The following C16orf96 variants were observed in gnomAD, a reference collection of about 807,000 sequenced individuals.
The protein encoded by C16orf96 is chromosome 16 open reading frame 96, also known as uncharacterized protein C16orf96.
Under a neutral mutation model 103.6 loss-of-function variants are expected in C16orf96, and 108 were observed. The observed-to-expected ratio is 1.04, with a 90% CI of 0.89 to 1.22. The LOEUF (loss-of-function observed/expected upper bound fraction) is 1.22, where lower values mean the gene tolerates loss of function less well. C16orf96 is among the 50% of genes most tolerant of loss of function. The pLI, the probability that C16orf96 is intolerant of heterozygous loss-of-function variation, is 0.00. For missense variants in C16orf96, 1,586 were observed against 1,464.2 expected, an observed-to-expected ratio of 1.08 and a Z score of -1.36; for synonymous variants, 566 against 593.5, an observed-to-expected ratio of 0.95 and a Z score of 0.67.
chr16:4,545,283 T>C, the C16orf96 span, among the ~76,000 whole-genome samples: 1 of 152,048 alleles, frequency 6.6e-6, no homozygotes. Context: ...GATAGCTCAC[T>C]GCAGCCTCAA....
rs1296479547 is a variant in C16orf96, at chr16:4,588,749, C to T, written c.2592+418C>T. ...TTCATACAGGGCCTCACTCTGGGCA[C>T]CTGCCCCATACATAGTCAATAAATG... On this transcript the variant is annotated intron_variant, in intron 9 of 15. Transcript: ENST00000444310. Among the ~76,000 whole-genome samples the T allele has an allele frequency of 1.9e-4, 26 of 140,062 alleles. No homozygotes were observed. In the Admixed American group the frequency reaches 1.9e-3, roughly 10 times the overall value. The allele number at this position is 140,062 out of a possible 152,430, so 91.9% of individuals were successfully genotyped here.
intron 1 of C16orf96, 55 bp from the exon 2 acceptor site, chr16:4,571,506 C>G (rs1441480796): frequency 6.8e-7 from 1 of 1,470,528 alleles, no homozygotes; most frequent in Non-Finnish European, 9.3e-7. Flanking sequence ...CTGCACTTCA[C>G]TTACCTTCTC....
the C16orf96 span, among the ~76,000 whole-genome samples, chr16:4,547,491 A>G: frequency 6.7e-6 from 1 of 148,732 alleles, no homozygotes; most frequent in Non-Finnish European, 1.5e-5. Context: ...AAACCCATAG[A>G]GACAGAAAGT....
chr16:4,576,598 G>A lies in C16orf96; in HGVS notation c.2118G>A (p.Gln706=). The A allele has an allele frequency of 1.9e-6, 3 of 1,551,572 alleles. No individual in the cohort carries two copies. The highest frequency in any genetic ancestry group is 2.6e-6 in the Non-Finnish European group (3 of 1,146,986). ...KHDSLKEEFA[Q]LSCNLNQRLS... Reference sequence around the variant, plus strand: ...ACTCTCTGAAGGAAGAATTTGCCCAGCTGTCCTGTAACCTGAACCAGCGCT... The same window carrying A: ...ACTCTCTGAAGGAAGAATTTGCCCAACTGTCCTGTAACCTGAACCAGCGCT... Residue 706 remains glutamine, a synonymous_variant, in exon 5 of 16, where the codon CAG becomes CAA. Coordinates refer to ENST00000444310, the MANE Select transcript of C16orf96 (RefSeq NM_001145011.2).
At chr16:4,556,950 C>T (rs1000197255) in intron 1 of C16orf96, 41 bp downstream of exon 1, 17 of 1,496,556 alleles carry the variant, frequency 1.1e-5, no homozygotes, top group Non-Finnish European at 1.4e-5. Context: ...CCTCCCTTCA[C>T]CACTGGCTCT....
intron 15 of C16orf96, 57 bp downstream of exon 15, chr16:4,599,421 C>T (rs1187654619): frequency 1.4e-6 from 2 of 1,433,124 alleles, no homozygotes; most frequent in African/African-American, 1.4e-5. Flanking sequence ...GTCTCCAGTC[C>T]CTCCTCGTCT....
chr16:4,577,766 G>A (rs2059530760), intron 5 of C16orf96, among the ~76,000 whole-genome samples: 2 of 152,204 alleles, frequency 1.3e-5, no homozygotes, highest in African/African-American at 4.8e-5. Flanking sequence ...GACCAGCCTG[G>A]CCAACATAGC....
At chr16:4,594,912 G>A in intron 14 of C16orf96, 109 bp downstream of exon 14, 1 of 1,187,092 alleles carries the variant, frequency 8.4e-7, no homozygotes, top group South Asian at 1.4e-5. Flanking sequence ...CCTGACCGGG[G>A]AGTCCTCACA....
chr16:4,589,532 C>A (rs1171628525), intron 9 of C16orf96, among the ~76,000 whole-genome samples: 1 of 151,118 alleles, frequency 6.6e-6, no homozygotes, highest in Non-Finnish European at 1.5e-5. Context: ...GAACCAAAAT[C>A]GTGCCACTGC....
Position 4,572,265 on chromosome 16 carries a change from A to C in C16orf96, c.525+600A>C, listed in dbSNP as rs913649858. On this transcript the variant is annotated intron_variant, in intron 2 of 15. Coordinates refer to ENST00000444310, the MANE Select transcript of C16orf96 (RefSeq NM_001145011.2). ...TATTGTCTCATTTACTAAAAGGTCC[A>C]GGGACGGCCAGATCTAGGTACTCAT... Among the ~76,000 whole-genome samples, 19 of 151,288 alleles carry C rather than the reference A, an allele frequency of 1.3e-4. 1 individual carries two copies. The highest frequency in any genetic ancestry group is 4.6e-4 in the African/African-American group (19 of 41,144).
In C16orf96 at chr16:4,600,434, C is replaced by CCCCCCA. The variant is rs1215674371; in HGVS notation, c.*132_*137dup. 1.5e-6 allele frequency: 1 copy of CCCCCCA among 656,214 alleles called. No homozygotes were observed. The highest frequency in any genetic ancestry group is 1.8e-5 in the South Asian group (1 of 54,512). 40.6% of individuals were successfully genotyped at this position (656,214 alleles called of 1,614,324 possible). A position where few individuals can be genotyped will look rare whatever the true frequency, so the allele number is the denominator to read the frequency against. On this transcript the variant is annotated 3_prime_UTR_variant, in exon 16 of 16. Coordinates refer to ENST00000444310, the MANE Select transcript of C16orf96 (RefSeq NM_001145011.2). ...ACATCGGAGGCTGAGGCCTATGTGGCCCCCCACCCCCACCCCCACCAAGTC... is the reference window on the plus strand; with the variant it reads ...ACATCGGAGGCTGAGGCCTATGTGGCCCCCCACCCCCACCCCCACCCCCACCAAGTC...
At chr16:4,546,489 G>T in the C16orf96 span, among the ~76,000 whole-genome samples, 8 of 129,426 alleles carry the variant, frequency 6.2e-5, no homozygotes, top group Admixed American at 5.9e-4. Flanking sequence ...TAAGACACAG[G>T]GTCTCACTGT....
intron 7 of C16orf96, among the ~76,000 whole-genome samples, chr16:4,586,379 A>C (rs763267321): frequency 7.2e-5 from 11 of 152,258 alleles, no homozygotes; most frequent in African/African-American, 1.2e-4. Context: ...GCTGGGTTCC[A>C]GCTAAAAGTC....
Position 4,599,299 on chromosome 16 carries a change from C to G in C16orf96, c.3143C>G (p.Ser1048Cys), listed in dbSNP as rs7195763. 75,585 of 1,551,170 alleles carry G rather than the reference C, an allele frequency of 0.049. 5,504 individuals are homozygous for G. Among genetic ancestry groups the G allele is most frequent in the African/African-American group, 0.35 (25,453 of 72,984 alleles). ...TTCTGCTAAGCTGTGAAGGCTCCAT[C>G]TCCCCCGTCACAAAGCCTGTATGAC... ...AKELAAVKAP[S>C]PPSQSLYDRV... The change falls in exon 15 of 16, where the codon TCT (serine) becomes TGT (cysteine). Residue 1048 changes from serine (S) to cysteine (C), a missense_variant. Physicochemically the swap from Ser to Cys is moderately radical, Grantham distance 112. Coordinates refer to ENST00000444310, the MANE Select transcript of C16orf96 (RefSeq NM_001145011.2).
the C16orf96 span, among the ~76,000 whole-genome samples, chr16:4,545,539 G>T: frequency 2.0e-5 from 3 of 152,050 alleles, no homozygotes; most frequent in Non-Finnish European, 4.4e-5. Flanking sequence ...AGCCAGAATC[G>T]CCCCTGCATA....
intron 7 of C16orf96, among the ~76,000 whole-genome samples, chr16:4,581,167 T>TATAC (rs1555506342): frequency 1.7e-5 from 2 of 120,688 alleles, no homozygotes; most frequent in Admixed American, 8.4e-5. Context: ...TATATATATA[T>TATAC]ATATATATAT....
At chr16:4,541,651 C>T in the C16orf96 span, among the ~76,000 whole-genome samples, 5 of 152,256 alleles carry the variant, frequency 3.3e-5, no homozygotes, top group African/African-American at 1.2e-4. Flanking sequence ...TTTATTTTTA[C>T]GCTTTTTATT....
chr16:4,587,711 G>A (rs1896962264), intron 8 of C16orf96, among the ~76,000 whole-genome samples: 1 of 152,056 alleles, frequency 6.6e-6, no homozygotes, highest in African/African-American at 2.4e-5. Context: ...GAGAAGATAG[G>A]ATCACTTGAG....
chr16:4,572,461 G>A (rs913884573), intron 2 of C16orf96, among the ~76,000 whole-genome samples: 3 of 151,796 alleles, frequency 2.0e-5, no homozygotes, highest in South Asian at 2.1e-4. Context: ...CCCCATGCCC[G>A]GCTAATTTTT....
Sources: gnomAD v4.1 joint callset for allele counts (sites outside exome capture counted in the v4.1 genomes callset) on GRCh38, gnomAD v4.1.1 for gene constraint, MANE v1.5 for transcripts, NCBI Gene and HGNC (gene_info 2026-07-23, HGNC 2026-07-21) for gene names.